Variants in MBD4 observed in about 807,000 individuals in gnomAD.
The protein encoded by MBD4 is methyl-CpG-binding domain protein 4.
A neutral mutation model predicts 60.2 loss-of-function variants in MBD4; 53 were observed. The observed-to-expected ratio is 0.88, with a 90% CI of 0.71 to 1.11. The LOEUF is 1.11. Ranked by LOEUF, MBD4 falls within the 50% of genes least tolerant of loss-of-function variation. MBD4 has a pLI of 0.00. For missense variants in MBD4, 619 were observed against 674.0 expected (o/e 0.92, Z 0.90); for synonymous variants, 231 against 229.8 (o/e 1.01, Z -0.05).
Position 129,437,086 on chromosome 3 carries a change from C to G in MBD4, c.558G>C (p.Lys186Asn), listed in dbSNP as rs368399887. 13 of 1,613,882 alleles carry G rather than the reference C, an allele frequency of 8.1e-6. No homozygotes were observed. The highest frequency in any genetic ancestry group is 1.6e-4 in the Middle Eastern group (1 of 6,082). Reference protein sequence around the residue: ...WNLRTRSKCKKDVFMPPSSSS... With the variant: ...WNLRTRSKCKNDVFMPPSSSS... ...TACTACTTGGCGGCATAAACACATCCTTTTTGCACTTGCTTCGGGTCCTGA... is the reference window on the plus strand; with the variant it reads ...TACTACTTGGCGGCATAAACACATCGTTTTTGCACTTGCTTCGGGTCCTGA... Residue 186 changes from lysine to asparagine, a missense_variant, in exon 3 of 8, where the codon AAG (lysine) becomes AAC (asparagine). Lys to Asn is a moderately conservative substitution (Grantham distance 94, BLOSUM62 0). Coordinates refer to ENST00000429544, the MANE Select transcript of MBD4 (RefSeq NM_001276270.2).
intron 3 of MBD4, among the ~76,000 whole-genome samples, chr3:129,434,647 A>G (rs1185093937): frequency 6.6e-6 from 1 of 152,238 alleles, no homozygotes; most frequent in East Asian, 1.9e-4. Flanking sequence ...AAAAAGGGGA[A>G]ACATATATAA....
In MBD4 at chr3:129,431,367, A is replaced by C; in HGVS notation, c.*134T>G. On this transcript the variant is annotated 3_prime_UTR_variant, in exon 8 of 8. Transcript: ENST00000429544. ...AGATCCACCATTGGCACACACATTA[A>C]GAAAGCACACACACTAGGCTTCTAG... The C allele has an allele frequency of 1.4e-6, 1 of 736,756 alleles. No homozygotes were observed. Among genetic ancestry groups the C allele is most frequent in the Non-Finnish European group, 2.4e-6 (1 of 412,330 alleles). 45.6% of individuals were successfully genotyped at this position (736,756 alleles called of 1,614,324 possible).
At chr3:129,439,427 C>G (rs1457524158) in intron 1 of MBD4, among the ~76,000 whole-genome samples, 8 of 152,144 alleles carry the variant, frequency 5.3e-5, no homozygotes, top group Non-Finnish European at 8.8e-5. Flanking sequence ...AAATCTTAAC[C>G]TCCTATCACA....
intron 7 of MBD4, 181 bp downstream of exon 7, chr3:129,432,322 G>C: frequency 1.3e-6 from 2 of 1,506,884 alleles, no homozygotes; most frequent in South Asian, 2.6e-5. Context: ...TTGTGGACTT[G>C]GGAGCGCCTA....
In MBD4 at chr3:129,437,941, A is replaced by G; in HGVS notation, c.114T>C (p.Asp38=). The change falls in exon 2 of 8, where the codon GAT becomes GAC. Residue 38 remains aspartate (D), a synonymous_variant. Transcript: ENST00000429544. Reference sequence around the variant, plus strand: ...CCACTCTTTCCAATTCCATAGCAACATCTTCTTTGCTGGAAAAACAAAGTC... The same window carrying G: ...CCACTCTTTCCAATTCCATAGCAACGTCTTCTTTGCTGGAAAAACAAAGTC... The part of the protein sequence containing the change: ...PDPPNDLRKE[D]VAMELERVGE... The G allele has an allele frequency of 6.3e-7, 1 of 1,598,294 alleles. No homozygotes were observed. The highest frequency in any genetic ancestry group is 2.2e-5 in the East Asian group (1 of 44,806).
At position 129,433,093 on chromosome 3, in the gene MBD4, A is replaced by G. The variant is rs1435488568; in HGVS notation, c.1543+5T>C. ...TGTTTTTCCTTTGGGTGTATAGGAA[A>G]ATACCTGAGAACTTGACAATGGTTT... On this transcript the variant is annotated splice_donor_5th_base_variant and intron_variant, in intron 6 of 7. Coordinates refer to ENST00000429544, the MANE Select transcript of MBD4 (RefSeq NM_001276270.2). 4 of 1,614,180 alleles carry G rather than the reference A, an allele frequency of 2.5e-6. No homozygotes were observed. The highest frequency in any genetic ancestry group is 2.2e-5 in the East Asian group (1 of 44,878).
At chr3:129,434,248 A>C (rs1266005245) in intron 3 of MBD4, 112 bp from the exon 4 acceptor site, 13 of 859,496 alleles carry the variant, frequency 1.5e-5, no homozygotes, top group Non-Finnish European at 2.3e-5. Flanking sequence ...GCACTATTCT[A>C]AGCCCTTTAC....
chr3:129,431,952 G>C (rs2072353165), intron 7 of MBD4, among the ~76,000 whole-genome samples: 1 of 152,184 alleles, frequency 6.6e-6, no homozygotes, highest in Non-Finnish European at 1.5e-5. Context: ...TGGTCCTTCA[G>C]TTCAGGCTTG....
At position 129,433,871 on chromosome 3, in the gene MBD4, T is replaced by C. The variant is rs527715494; in HGVS notation, c.1372A>G (p.Ile458Val). 14 of 1,614,134 alleles carry C rather than the reference T, an allele frequency of 8.7e-6. No homozygotes were observed. The highest frequency in any genetic ancestry group is 6.7e-5 in the Admixed American group (4 of 60,026). The change falls in exon 5 of 8, where the codon ATA becomes GTA. Residue 458 changes from isoleucine (I) to valine (V), a missense_variant. By Grantham distance (29) the Ile-to-Val change is conservative (BLOSUM62 3). Coordinates refer to ENST00000429544, the MANE Select transcript of MBD4 (RefSeq NM_001276270.2). ...AAACCTGAGGTCCGATTGAGAAATA[T>C]AGTAGCGATGAGAAGCTTCCATGGA... ...HDPWKLLIATIFLNRTSGKMA... is the reference protein window; with the variant it reads ...HDPWKLLIATVFLNRTSGKMA...
chr3:129,433,351 AAG>A, intron 5 of MBD4, 104 bp from the exon 6 acceptor site: 1 of 1,311,224 alleles, frequency 7.6e-7, no homozygotes, highest in African/African-American at 1.5e-5. Flanking sequence ...TTTTTTTTTA[AAG>A]AAAACAAAAA....
In MBD4 at chr3:129,436,705, T is replaced by TC; in HGVS notation, c.938_939insG (p.Glu314ArgfsTer13). On this transcript the variant is annotated frameshift_variant, in exon 3 of 8. Coordinates refer to ENST00000429544, the MANE Select transcript of MBD4 (RefSeq NM_001276270.2). LOFTEE classifies it high-confidence loss of function. ...TTGATCCTGAACTCAATGATCTTTC[T>TC]TTTTTTTTTACAAGGCTGTTTTCTT... 2.2e-6 allele frequency: 3 copies of TC among 1,388,192 alleles called. No homozygotes were observed. The highest frequency in any genetic ancestry group is 9.9e-7 in the Non-Finnish European group (1 of 1,014,182). 86.0% of individuals were successfully genotyped at this position (1,388,192 alleles called of 1,614,324 possible).
At chr3:129,437,515 C>T (rs2072489443) in intron 2 of MBD4, among the ~76,000 whole-genome samples, 1 of 152,158 alleles carries the variant, frequency 6.6e-6, no homozygotes, top group Non-Finnish European at 1.5e-5. Flanking sequence ...ATGCAACCTA[C>T]CCGTTAACCA....
In MBD4 at chr3:129,436,766, G is replaced by T; in HGVS notation, c.878C>A (p.Ala293Asp). ...ACTGAGGGTCTCACCACATGCTCCA[G>T]CATCAGAAATGCAGACAGTTCTATC... ...QLDRTVCISD[A>D]GACGETLSVT... Residue 293 changes from alanine to aspartate, a missense_variant, in exon 3 of 8, where the codon GCT becomes GAT. By Grantham distance (126) the Ala-to-Asp change is moderately radical (BLOSUM62 -2). Transcript: ENST00000429544. The T allele has an allele frequency of 6.2e-7, 1 of 1,613,998 alleles. No individual in the cohort carries two copies.
At chr3:129,434,224 AC>A in intron 3 of MBD4, 88 bp from the exon 4 acceptor site, 1 of 1,021,228 alleles carries the variant, frequency 9.8e-7, no homozygotes, top group Non-Finnish European at 1.5e-6. Context: ...CAACACTATT[AC>A]AAAGCATGCC....
At chr3:129,433,550 C>A in intron 5 of MBD4, 1 of 577,924 alleles carries the variant, frequency 1.7e-6, no homozygotes, top group Non-Finnish European at 3.1e-6. Flanking sequence ...AAGGTACATT[C>A]AGTGAAAAAG....
At chr3:129,435,385 G>A (rs1232468873) in intron 3 of MBD4, among the ~76,000 whole-genome samples, 7 of 152,104 alleles carry the variant, frequency 4.6e-5, no homozygotes, top group African/African-American at 1.7e-4. Context: ...TGGACACCTC[G>A]TACTAAGAGT....
chr3:129,434,157 CTT>C, intron 3 of MBD4, 21 bp from the exon 4 acceptor site: 1 of 1,583,966 alleles, frequency 6.3e-7, no homozygotes, highest in Non-Finnish European at 8.7e-7. Flanking sequence ...AAAGTAAACA[CTT>C]TATGGAGTCT....
intron 6 of MBD4, among the ~76,000 whole-genome samples, 175 bp from the exon 7 acceptor site, chr3:129,432,781 G>A (rs931828539): frequency 1.3e-5 from 2 of 152,216 alleles, no homozygotes; most frequent in Non-Finnish European, 2.9e-5. Context: ...CATATCATTT[G>A]CCAATTCCTA....
chr3:129,433,028 A>C (rs1206872383), intron 6 of MBD4, 70 bp downstream of exon 6: 1 of 1,571,502 alleles, frequency 6.4e-7, no homozygotes, highest in African/African-American at 1.4e-5. Flanking sequence ...AGAACATTAA[A>C]GTTTAAGGTG....
Sources: gnomAD v4.1 joint callset for allele counts (sites outside exome capture counted in the v4.1 genomes callset) on GRCh38, gnomAD v4.1.1 for gene constraint, MANE v1.5 for transcripts, NCBI Gene and HGNC (gene_info 2026-07-23, HGNC 2026-07-21) for gene names.